PCDH9: variants seen among roughly 807,000 people sequenced by gnomAD.
PCDH9 encodes the protein protocadherin 9.
A neutral mutation model predicts 70.6 loss-of-function variants in PCDH9; 24 were observed. That is an observed-to-expected ratio of 0.34 (90% CI 0.25 to 0.48). The LOEUF (loss-of-function observed/expected upper bound fraction) is 0.48, where lower values mean the gene tolerates loss of function less well. Among genes scored for constraint, PCDH9 ranks in the 20% least tolerant of loss-of-function variants. PCDH9 has a pLI of 0.99. For synonymous variants in PCDH9, 562 were observed against 558.5 expected (o/e 1.01, Z -0.09); for missense variants, 1,281 against 1,503.6 (o/e 0.85, Z 2.45).
At chr13:66,593,052 T>C (rs2077056989) in intron 4 of PCDH9, among the ~76,000 whole-genome samples, 1 of 151,704 alleles carries the variant, frequency 6.6e-6, no homozygotes, top group African/African-American at 2.4e-5. Context: ...ATCTGAAGAA[T>C]ATGGTAGACA....
intron 4 of PCDH9, among the ~76,000 whole-genome samples, chr13:66,386,722 G>A (rs1047100328): frequency 3.9e-5 from 6 of 151,986 alleles, no homozygotes; most frequent in Non-Finnish European, 5.9e-5. Context: ...TAACAAAATT[G>A]GGTGCTCTTC....
chr13:66,319,536 GAA>G (rs769335351), intron 4 of PCDH9, among the ~76,000 whole-genome samples: 26 of 151,888 alleles, frequency 1.7e-4, no homozygotes, highest in South Asian at 6.2e-4. Context: ...GGTATTAATC[GAA>G]AAGAGTTTAA....
intron 4 of PCDH9, chr13:66,630,821 T>C (rs1277728690): frequency 6.5e-6 from 1 of 154,484 alleles, no homozygotes; most frequent in Non-Finnish European, 1.4e-5. Context: ...GAAAATCAAA[T>C]TTCATAGGAC....
At chr13:66,589,348 C>T (rs942762176) in intron 4 of PCDH9, among the ~76,000 whole-genome samples, 1 of 151,914 alleles carries the variant, frequency 6.6e-6, no homozygotes, top group African/African-American at 2.4e-5. Flanking sequence ...AACAAAAATA[C>T]ATGATTTAGT....
chr13:67,117,969 T>G (rs1367988114), intron 2 of PCDH9, among the ~76,000 whole-genome samples: 6 of 152,220 alleles, frequency 3.9e-5, no homozygotes, highest in Admixed American at 3.9e-4. Flanking sequence ...TTTATAAAAT[T>G]TTCAAAACAG....
intron 2 of PCDH9, among the ~76,000 whole-genome samples, chr13:67,123,125 A>G (rs1279844403): frequency 6.6e-6 from 1 of 152,172 alleles, no homozygotes; most frequent in Admixed American, 6.5e-5. Context: ...ACAAAAATCT[A>G]CTAACCCTTC....
At chr13:66,901,958 T>A (rs1469070921) in intron 3 of PCDH9, among the ~76,000 whole-genome samples, 1 of 151,690 alleles carries the variant, frequency 6.6e-6, no homozygotes, top group Non-Finnish European at 1.5e-5. Context: ...TGGATCTTAA[T>A]GACTTGCACA....
chr13:67,017,213 A>T (rs779088937), intron 2 of PCDH9, among the ~76,000 whole-genome samples: 1 of 152,216 alleles, frequency 6.6e-6, no homozygotes, highest in Non-Finnish European at 1.5e-5. Flanking sequence ...AATAGAGTCA[A>T]TTCAATTTGA....
intron 2 of PCDH9, among the ~76,000 whole-genome samples, chr13:66,928,132 T>A (rs1031835042): frequency 6.6e-6 from 1 of 152,094 alleles, no homozygotes; most frequent in Non-Finnish European, 1.5e-5. Context: ...AGCCATGGGT[T>A]CCTTCTCAGT....
chr13:66,775,133 G>A (rs1189429079), intron 3 of PCDH9, among the ~76,000 whole-genome samples: 1 of 152,130 alleles, frequency 6.6e-6, no homozygotes, highest in Admixed American at 6.6e-5. Flanking sequence ...TTTTAAAAAT[G>A]ACAAAACATT....
chr13:66,957,535 A>C (rs1327286367), intron 2 of PCDH9, among the ~76,000 whole-genome samples: 1 of 152,154 alleles, frequency 6.6e-6, no homozygotes, highest in Non-Finnish European at 1.5e-5. Context: ...TGGGAACTGA[A>C]ATGAAAGCCC....
At chr13:66,305,633 GA>G (rs1261946071) in intron 4 of PCDH9, among the ~76,000 whole-genome samples, 4 of 151,874 alleles carry the variant, frequency 2.6e-5, no homozygotes, top group Admixed American at 2.6e-4. Context: ...TCATTTTAAA[GA>G]ATAACTATTG....
chr13:66,596,633 G>A (rs770054827), intron 4 of PCDH9, among the ~76,000 whole-genome samples: 1 of 151,586 alleles, frequency 6.6e-6, no homozygotes, highest in Non-Finnish European at 1.5e-5. Flanking sequence ...AACGTGACAA[G>A]AAAGTTCTCT....
At chr13:66,375,413 T>C (rs1365488257) in intron 4 of PCDH9, among the ~76,000 whole-genome samples, 2 of 152,126 alleles carry the variant, frequency 1.3e-5, no homozygotes, top group Admixed American at 1.3e-4. Flanking sequence ...GCTTTGTTTT[T>C]TGTTAATGTA....
At chr13:67,139,865 A>C (rs1403254512) in intron 2 of PCDH9, among the ~76,000 whole-genome samples, 2 of 152,200 alleles carry the variant, frequency 1.3e-5, no homozygotes, top group Admixed American at 1.3e-4. Flanking sequence ...TAAACAGTTA[A>C]TAATTAAGCC....
chr13:66,612,787 C>G (rs1024638801), intron 4 of PCDH9, among the ~76,000 whole-genome samples: 3 of 151,708 alleles, frequency 2.0e-5, no homozygotes, highest in Non-Finnish European at 2.9e-5. Context: ...GGGAAACACT[C>G]TAGCAGGGAC....
chr13:66,693,509 G>T (rs1408694184), intron 3 of PCDH9, among the ~76,000 whole-genome samples: 1 of 152,116 alleles, frequency 6.6e-6, no homozygotes, highest in African/African-American at 2.4e-5. Context: ...CATAATTCAT[G>T]ATTTTATGAA....
At chr13:66,486,840 T>G (rs1474481525) in intron 4 of PCDH9, among the ~76,000 whole-genome samples, 1 of 152,198 alleles carries the variant, frequency 6.6e-6, no homozygotes. Context: ...AGACAGGTAC[T>G]GACAATATGT....
intron 2 of PCDH9, among the ~76,000 whole-genome samples, chr13:67,078,477 C>T (rs1296042170): frequency 6.6e-6 from 1 of 152,106 alleles, no homozygotes; most frequent in South Asian, 2.1e-4. Context: ...TTCAAACTGA[C>T]ACACAGTTCC....
Sources: allele counts gnomAD v4.1 joint callset (sites outside exome capture counted in the v4.1 genomes callset), GRCh38; gene constraint gnomAD v4.1.1; transcripts MANE v1.5; gene names NCBI Gene and HGNC (gene_info 2026-07-23, HGNC 2026-07-21).